The following IRAK2 variants were observed in gnomAD, a reference collection of about 807,000 sequenced individuals.
IRAK2 encodes the protein interleukin 1 receptor associated kinase 2, also known as interleukin-1 receptor-associated kinase-like 2.
A neutral mutation model predicts 72.0 loss-of-function variants in IRAK2; 57 were observed. The observed-to-expected ratio is 0.79, with a 90% CI of 0.64 to 0.99. The LOEUF is 0.99. Among genes scored for constraint, IRAK2 ranks in the 50% least tolerant of loss-of-function variants. The probability of loss-of-function intolerance (pLI) is 0.00; values close to 1 mark genes in which losing one functional copy is unlikely to be tolerated. For missense variants in IRAK2, 790 were observed against 794.4 expected (o/e 0.99, Z 0.07); for synonymous variants, 293 against 312.7 (o/e 0.94, Z 0.67).
At position 10,184,617 on chromosome 3, in the gene IRAK2, TTGAGA is replaced by T. The variant is rs1304296939; in HGVS notation, c.277+6603_277+6607del. Among the ~76,000 whole-genome samples, 6 of 151,208 alleles carry T rather than the reference TTGAGA, an allele frequency of 4.0e-5. No homozygotes were observed. In the South Asian group the frequency reaches 6.2e-4, roughly 16 times the overall value. On this transcript the variant is annotated intron_variant, in intron 2 of 12. Transcript: ENST00000256458. The stretch of plus-strand genomic sequence containing the variant: ...GGAAGCCACAATAAAAAACTCCTAC[TTGAGA>T]TGAGAAACACGAGGTAGTTACTTGT...
At chr3:10,226,543 G>C in intron 10 of IRAK2, 110 bp downstream of exon 10, 3 of 805,372 alleles carry the variant, frequency 3.7e-6, no homozygotes, top group Non-Finnish European at 6.1e-6. Context: ...ATGAGGCCCG[G>C]TACAAGGTTG....
At chr3:10,202,688 C>CCTT (rs1697380165) in intron 3 of IRAK2, among the ~76,000 whole-genome samples, 1 of 109,982 alleles carries the variant, frequency 9.1e-6, no homozygotes, top group African/African-American at 3.4e-5. Context: ...TACTTTCTTT[C>CCTT]CTTTTTTTTT....
chr3:10,193,702 A>G (rs1054417617), intron 2 of IRAK2, among the ~76,000 whole-genome samples: 3 of 152,194 alleles, frequency 2.0e-5, no homozygotes, highest in African/African-American at 4.8e-5. Context: ...CCTAAGCTAT[A>G]GATTAGCTGT....
chr3:10,172,655 T>G (rs1030194421), intron 1 of IRAK2, among the ~76,000 whole-genome samples: 1 of 134,524 alleles, frequency 7.4e-6, no homozygotes, highest in African/African-American at 2.8e-5. Flanking sequence ...CTGGCCAACA[T>G]AGTGAAACCC....
intron 2 of IRAK2, among the ~76,000 whole-genome samples, chr3:10,183,620 C>A (rs1696997862): frequency 6.6e-6 from 1 of 152,124 alleles, no homozygotes; most frequent in South Asian, 2.1e-4. Context: ...ACTCAGGAGG[C>A]TGAGGCAGGA....
intron 1 of IRAK2, among the ~76,000 whole-genome samples, chr3:10,175,163 G>A (rs1212140432): frequency 1.3e-5 from 2 of 151,424 alleles, no homozygotes; most frequent in African/African-American, 2.4e-5. Context: ...AGTCTCTGTC[G>A]CTCAGGCTGG....
intron 1 of IRAK2, among the ~76,000 whole-genome samples, chr3:10,175,853 T>C (rs1489126715): frequency 7.7e-6 from 1 of 130,308 alleles, no homozygotes; most frequent in Admixed American, 9.7e-5. Flanking sequence ...AGTGCACCAC[T>C]GCACTCCAGC....
intron 2 of IRAK2, among the ~76,000 whole-genome samples, chr3:10,183,950 C>G (rs554337702): frequency 6.6e-6 from 1 of 152,296 alleles, no homozygotes; most frequent in African/African-American, 2.4e-5. Context: ...GTTCGTTTCC[C>G]TCTCCTGTGA....
intron 6 of IRAK2, among the ~76,000 whole-genome samples, chr3:10,214,931 A>C (rs1459008040): frequency 6.6e-6 from 1 of 151,704 alleles, no homozygotes; most frequent in Non-Finnish European, 1.5e-5. Context: ...CCGTCTCTAC[A>C]AAAAATACAA....
chr3:10,222,714 G>C lies in IRAK2; in HGVS notation c.1092G>C (p.Arg364Ser). 6.2e-7 allele frequency: 1 copy of C among 1,614,160 alleles called. No homozygotes were observed. Among genetic ancestry groups the C allele is most frequent in the Non-Finnish European group, 8.5e-7 (1 of 1,180,032 alleles). ...PMAHLCPVNK[R>S]SKYTMMKTHL... ...CTCATCTGTGTCCTGTCAACAAAAG[G>C]TCAAAATACACCATGATGAAGACTC... The change falls in exon 9 of 13, where the codon AGG becomes AGC. Residue 364 changes from arginine to serine, a missense_variant. By Grantham distance (110) the Arg-to-Ser change is moderately radical (BLOSUM62 -1). Transcript: ENST00000256458.
At chr3:10,187,379 GA>G (rs1697092157) in intron 2 of IRAK2, among the ~76,000 whole-genome samples, 1 of 152,044 alleles carries the variant, frequency 6.6e-6, no homozygotes. Flanking sequence ...CTGGGTCTTG[GA>G]TGAAGATTCA....
chr3:10,206,100 G>A (rs569885269), intron 3 of IRAK2, among the ~76,000 whole-genome samples: 1 of 151,958 alleles, frequency 6.6e-6, no homozygotes, highest in South Asian at 2.1e-4. Flanking sequence ...AAAATGCAGA[G>A]GGAGCTGGGC....
chr3:10,226,468 A>ATTTGGGCCTCACAG, intron 10 of IRAK2, 35 bp downstream of exon 10: 3 of 1,584,186 alleles, frequency 1.9e-6, no homozygotes, highest in Non-Finnish European at 2.6e-6. Flanking sequence ...TGGGAGGTAT[A>ATTTGGGCCTCACAG]TTTGGGCCTC....
At chr3:10,224,813 C>T (rs968078543) in intron 9 of IRAK2, among the ~76,000 whole-genome samples, 1 of 145,940 alleles carries the variant, frequency 6.9e-6, no homozygotes, top group African/African-American at 2.6e-5. Flanking sequence ...TCATTGAATG[C>T]CTCCTGGCTC....
At chr3:10,200,289 C>A in intron 2 of IRAK2, 80 bp from the exon 3 acceptor site, 1 of 1,267,802 alleles carries the variant, frequency 7.9e-7, no homozygotes, top group African/African-American at 1.5e-5. Context: ...GAACCCAGGT[C>A]TCTGACTTCC....
intron 2 of IRAK2, among the ~76,000 whole-genome samples, chr3:10,194,265 G>A (rs1000942046): frequency 2.0e-5 from 3 of 152,356 alleles, no homozygotes; most frequent in African/African-American, 2.4e-5. Flanking sequence ...GCTTCCCCAC[G>A]CTTACTCTTG....
intron 3 of IRAK2, among the ~76,000 whole-genome samples, chr3:10,200,797 A>G (rs1032811280): frequency 2.0e-5 from 3 of 152,216 alleles, no homozygotes; most frequent in African/African-American, 7.2e-5. Context: ...GCTATTCAGG[A>G]GGCTGAGGTA....
At chr3:10,200,209 A>G (rs1275626262) in intron 2 of IRAK2, among the ~76,000 whole-genome samples, 160 bp from the exon 3 acceptor site, 2 of 152,070 alleles carry the variant, frequency 1.3e-5, no homozygotes, top group African/African-American at 2.4e-5. Context: ...ACAGATGGGG[A>G]GGCCGGGGCC....
chr3:10,206,511 T>G (rs1415300441), intron 3 of IRAK2, among the ~76,000 whole-genome samples: 1 of 152,234 alleles, frequency 6.6e-6, no homozygotes, highest in Admixed American at 6.5e-5. Flanking sequence ...GTGGGTTAAT[T>G]GTTTAGCCAG....
Sources: allele counts gnomAD v4.1 joint callset (sites outside exome capture counted in the v4.1 genomes callset), GRCh38; gene constraint gnomAD v4.1.1; transcripts MANE v1.5; gene names NCBI Gene and HGNC (gene_info 2026-07-23, HGNC 2026-07-21).